Variants in ARMH3 observed in about 807,000 individuals in gnomAD.
ARMH3 encodes armadillo like helical domain containing 3.
ARMH3 carries 60 observed loss-of-function variants against 99.1 expected under a neutral mutation model. The observed-to-expected ratio is 0.61, with a 90% CI of 0.49 to 0.75. The LOEUF (loss-of-function observed/expected upper bound fraction) is 0.75, where lower values mean the gene tolerates loss of function less well. Ranked by LOEUF, ARMH3 falls within the 30% of genes least tolerant of loss-of-function variation. ARMH3 has a pLI of 0.00. For missense variants in ARMH3, 679 were observed against 843.1 expected, an observed-to-expected ratio of 0.81 and a Z score of 2.41; for synonymous variants, 285 against 292.8, an observed-to-expected ratio of 0.97 and a Z score of 0.27.
chr10:101,992,771 T>TA (rs1221887766), intron 17 of ARMH3, among the ~76,000 whole-genome samples: 1 of 151,748 alleles, frequency 6.6e-6, no homozygotes, highest in Non-Finnish European at 1.5e-5. Flanking sequence ...GGATTACAGG[T>TA]ATGAGCCACC....
chr10:101,981,742 G>C (rs1846241225), intron 19 of ARMH3, among the ~76,000 whole-genome samples: 1 of 152,086 alleles, frequency 6.6e-6, no homozygotes, highest in South Asian at 2.1e-4. Flanking sequence ...GTACAGGCCG[G>C]GCATGGTGGC....
At chr10:101,878,274 T>A (rs1194579143) in intron 24 of ARMH3, among the ~76,000 whole-genome samples, 1 of 151,980 alleles carries the variant, frequency 6.6e-6, no homozygotes, top group Admixed American at 6.6e-5. Flanking sequence ...AAATAAATAA[T>A]AAATAAAAAT....
intron 23 of ARMH3, among the ~76,000 whole-genome samples, chr10:101,904,395 A>G (rs2068052092): frequency 1.3e-5 from 2 of 152,194 alleles, no homozygotes; most frequent in African/African-American, 2.4e-5. Context: ...CACAGCACTC[A>G]GCCAGTGAGG....
rs368472547 is a variant in ARMH3 at position 101,863,138 on chromosome 10, G to C, written c.1861-13246C>G. Among the ~76,000 whole-genome samples, 47 of 152,332 alleles carry C rather than the reference G, an allele frequency of 3.1e-4. No homozygotes were observed. The East Asian group carries it at 6.9e-3, about 22-fold the overall frequency. On this transcript the variant is annotated intron_variant, in intron 24 of 25. Coordinates refer to ENST00000370033, the MANE Select transcript of ARMH3 (RefSeq NM_024541.3). ...GAATAGCTTGAATCCGGGAGGCGGA[G>C]GTTGCGGTGAGCCAAGATCACGCCA...
intron 23 of ARMH3, among the ~76,000 whole-genome samples, chr10:101,931,893 C>T (rs754403569): frequency 4.1e-4 from 62 of 152,028 alleles, no homozygotes; most frequent in Non-Finnish European, 6.9e-4. Flanking sequence ...AAGCAACAAG[C>T]GAAAAAATAG....
At chr10:101,991,841 C>T (rs535501873) in intron 18 of ARMH3, 128 bp downstream of exon 18, 9 of 982,158 alleles carry the variant, frequency 9.2e-6, no homozygotes, top group Admixed American at 4.0e-5. Flanking sequence ...GATTCTTAGG[C>T]CAGGGAAAAA....
intron 15 of ARMH3, among the ~76,000 whole-genome samples, chr10:101,996,431 C>A (rs761239805): frequency 6.6e-6 from 1 of 152,212 alleles, no homozygotes; most frequent in African/African-American, 2.4e-5. Flanking sequence ...AATATACTCA[C>A]ATCTCCTCAG....
intron 15 of ARMH3, among the ~76,000 whole-genome samples, chr10:101,998,229 T>C (rs1019086961): frequency 2.6e-5 from 4 of 152,216 alleles, no homozygotes; most frequent in Non-Finnish European, 5.9e-5. Flanking sequence ...GTCACATCCA[T>C]GCAGTGTCTC....
At chr10:101,892,047 G>GGT (rs762604601) in intron 23 of ARMH3, among the ~76,000 whole-genome samples, 1 of 152,038 alleles carries the variant, frequency 6.6e-6, no homozygotes, top group Non-Finnish European at 1.5e-5. Context: ...GGGAGACAGA[G>GGT]GTTTCAGTGA....
chr10:101,911,117 G>T (rs924873651), intron 23 of ARMH3, among the ~76,000 whole-genome samples: 2 of 151,868 alleles, frequency 1.3e-5, no homozygotes, highest in African/African-American at 4.8e-5. Flanking sequence ...CTCCAGCCTG[G>T]GTGACAGAGT....
intron 24 of ARMH3, among the ~76,000 whole-genome samples, chr10:101,850,747 C>T (rs1464686521): frequency 6.6e-6 from 1 of 152,138 alleles, no homozygotes; most frequent in Non-Finnish European, 1.5e-5. Context: ...CTCTTCTATT[C>T]CCTGCCTTTC....
intron 20 of ARMH3, among the ~76,000 whole-genome samples, chr10:101,966,608 A>G (rs1016557981): frequency 6.6e-6 from 1 of 152,012 alleles, no homozygotes; most frequent in African/African-American, 2.4e-5. Context: ...GAATCCTGCC[A>G]TCTTACACAG....
At chr10:101,939,504 A>G (rs1211254473) in intron 23 of ARMH3, among the ~76,000 whole-genome samples, 1 of 152,234 alleles carries the variant, frequency 6.6e-6, no homozygotes, top group South Asian at 2.1e-4. Context: ...TCAACATTCT[A>G]GATCTCCATG....
At chr10:101,952,638 G>A (rs563608685) in intron 22 of ARMH3, 1 of 152,186 alleles carries the variant, frequency 6.6e-6, no homozygotes, top group Non-Finnish European at 1.5e-5. Flanking sequence ...TAAGAAGGGG[G>A]AAAAGAGGAG....
chr10:102,034,984 G>A (rs185317246), intron 2 of ARMH3, among the ~76,000 whole-genome samples: 11 of 152,016 alleles, frequency 7.2e-5, no homozygotes, highest in Middle Eastern at 6.8e-3. Context: ...CACCTGTAAC[G>A]TCAGCATTTT....
rs776347179 is a variant in ARMH3 at position 101,956,699 on chromosome 10, T to C, written c.1603A>G (p.Ile535Val). The C allele has an allele frequency of 1.9e-6, 3 of 1,613,226 alleles. No homozygotes were observed. The highest frequency in any genetic ancestry group is 2.5e-6 in the Non-Finnish European group (3 of 1,179,472). The change falls in exon 22 of 26, where the codon ATC becomes GTC. Residue 535 changes from isoleucine (I) to valine (V), a missense_variant. By Grantham distance (29) the Ile-to-Val change is conservative. Transcript: ENST00000370033. Reference protein sequence around the residue: ...LMIVNLFNMFITYGDTFLPTP... With the variant: ...LMIVNLFNMFVTYGDTFLPTP... The stretch of plus-strand genomic sequence containing the variant: ...GGCAGAAATGTGTCGCCATATGTGA[T>C]AAACATATTAAATAGGTTCACAATC...
At chr10:102,020,831 G>A (rs1258212991) in intron 8 of ARMH3, among the ~76,000 whole-genome samples, 1 of 140,588 alleles carries the variant, frequency 7.1e-6, no homozygotes, top group Non-Finnish European at 1.5e-5. Flanking sequence ...CTGGGCAACA[G>A]ACTAAGACTC....
intron 19 of ARMH3, among the ~76,000 whole-genome samples, chr10:101,987,519 T>A (rs1846566521): frequency 6.6e-6 from 1 of 152,232 alleles, no homozygotes; most frequent in Non-Finnish European, 1.5e-5. Context: ...TTACTAGCTG[T>A]GCAACTGTGG....
chr10:101,869,804 G>A (rs1179962871), intron 24 of ARMH3, among the ~76,000 whole-genome samples: 1 of 152,128 alleles, frequency 6.6e-6, no homozygotes, highest in Non-Finnish European at 1.5e-5. Flanking sequence ...AGGCTGAGGG[G>A]GGTGGATCAC....
Sources: allele counts gnomAD v4.1 joint callset (sites outside exome capture counted in the v4.1 genomes callset), GRCh38; gene constraint gnomAD v4.1.1; transcripts MANE v1.5; gene names NCBI Gene and HGNC (gene_info 2026-07-23, HGNC 2026-07-21).